The following DCDC1 variants were observed in gnomAD, a reference collection of about 807,000 sequenced individuals.
The protein encoded by DCDC1 is doublecortin domain-containing protein 1.
In DCDC1, 200 loss-of-function variants were observed where a neutral mutation model predicts 178.3. That is an observed-to-expected ratio of 1.12 (90% CI 1.00 to 1.26). DCDC1 has a LOEUF of 1.26. Among genes scored for constraint, DCDC1 ranks in the 50% most tolerant of loss-of-function variants. The probability of loss-of-function intolerance (pLI) is 0.00; values close to 1 mark genes in which losing one functional copy is unlikely to be tolerated. For synonymous variants in DCDC1, 690 were observed against 604.8 expected (o/e 1.14, Z -2.07); for missense variants, 1,983 against 1,749.2 (o/e 1.13, Z -2.38).
chr11:31,322,830 TA>T (rs1267496548), intron 3 of DCDC1, among the ~76,000 whole-genome samples: 1 of 152,248 alleles, frequency 6.6e-6, no homozygotes, highest in African/African-American at 2.4e-5. Context: ...TCCTCATTTT[TA>T]AAGTAACTTT....
chr11:31,024,836 A>G (rs1054897667), intron 20 of DCDC1, among the ~76,000 whole-genome samples: 9 of 151,928 alleles, frequency 5.9e-5, no homozygotes, highest in East Asian at 5.8e-4. Flanking sequence ...GTGTTTCATA[A>G]TATTTCATTG....
chr11:31,236,704 T>A (rs966790426), intron 9 of DCDC1, among the ~76,000 whole-genome samples: 1 of 152,042 alleles, frequency 6.6e-6, no homozygotes, highest in East Asian at 1.9e-4. Context: ...CTAAAAAAAA[T>A]TACTTACCAG....
At chr11:31,212,866 T>G (rs1012147964) in intron 9 of DCDC1, among the ~76,000 whole-genome samples, 1 of 152,202 alleles carries the variant, frequency 6.6e-6, no homozygotes, top group African/African-American at 2.4e-5. Flanking sequence ...GCAATGCTCA[T>G]TGTAATAGAA....
At chr11:31,215,345 G>C (rs961906671) in intron 9 of DCDC1, 3 of 153,560 alleles carry the variant, frequency 2.0e-5, no homozygotes, top group African/African-American at 7.3e-5. Flanking sequence ...AATATAATGA[G>C]AGGTTATGAC....
chr11:30,892,726 T>C (rs1023953504), intron 36 of DCDC1, 92 bp downstream of exon 36: 5 of 1,452,454 alleles, frequency 3.4e-6, no homozygotes, highest in Non-Finnish European at 4.7e-6. Context: ...ATGAGGTTCA[T>C]AGAAGTAATT....
At chr11:30,896,276 T>C (rs1448237652) in intron 34 of DCDC1, among the ~76,000 whole-genome samples, 1 of 152,228 alleles carries the variant, frequency 6.6e-6, no homozygotes, top group Non-Finnish European at 1.5e-5. Flanking sequence ...GGATAGTAAT[T>C]ATAATAGCTA....
At position 31,170,007 on chromosome 11, in the gene DCDC1, G is replaced by A. The variant is rs537754201; in HGVS notation, c.1222-32223C>T. 3.3e-5 allele frequency among the ~76,000 whole-genome samples: 5 copies of A among 152,312 alleles called. No homozygotes were observed. The South Asian group carries it at 1.0e-3, about 32-fold the overall frequency. On this transcript the variant is annotated intron_variant, in intron 9 of 38. Coordinates refer to ENST00000684477, the MANE Select transcript of DCDC1 (RefSeq NM_001387274.1). ...TGTGGCACAGGGTGAGTGAATGGGA[G>A]TGGTGAGAGACTGTTGTGAGGCTGC...
chr11:31,088,099 G>A (rs1044389012), intron 17 of DCDC1, among the ~76,000 whole-genome samples: 4 of 151,786 alleles, frequency 2.6e-5, no homozygotes, highest in Admixed American at 1.3e-4. Context: ...TTTTACTGAC[G>A]TCTACTTTAT....
At chr11:31,312,157 T>C (rs915386962) in intron 3 of DCDC1, among the ~76,000 whole-genome samples, 11 of 152,164 alleles carry the variant, frequency 7.2e-5, no homozygotes, top group African/African-American at 2.2e-4. Flanking sequence ...TGCCCAATTA[T>C]AGGGACTCTC....
intron 20 of DCDC1, among the ~76,000 whole-genome samples, chr11:30,975,049 G>A (rs1950028629): frequency 6.6e-6 from 1 of 152,054 alleles, no homozygotes; most frequent in African/African-American, 2.4e-5. Context: ...TTATTTCAGG[G>A]ATTCAAGGAT....
intron 7 of DCDC1, among the ~76,000 whole-genome samples, chr11:31,267,342 C>T (rs1945235801): frequency 6.6e-6 from 1 of 152,108 alleles, no homozygotes; most frequent in Non-Finnish European, 1.5e-5. Flanking sequence ...AGGCATGCGC[C>T]ACCACGCCCG....
At chr11:30,927,496 T>C (rs1590393433) in intron 22 of DCDC1, among the ~76,000 whole-genome samples, 1 of 152,278 alleles carries the variant, frequency 6.6e-6, no homozygotes, top group East Asian at 1.9e-4. Context: ...AACAGATGAC[T>C]GTTAACAGTT....
intron 3 of DCDC1, among the ~76,000 whole-genome samples, chr11:31,323,844 G>C (rs1949505786): frequency 2.0e-5 from 3 of 152,024 alleles, no homozygotes; most frequent in Admixed American, 6.6e-5. Flanking sequence ...AAAGCACAAA[G>C]TTTTTATTAA....
intron 7 of DCDC1, among the ~76,000 whole-genome samples, chr11:31,289,898 A>G (rs1947101486): frequency 6.6e-6 from 1 of 151,968 alleles, no homozygotes; most frequent in Non-Finnish European, 1.5e-5. Flanking sequence ...GCGTTTGGTT[A>G]TGTTTTACTG....
Position 31,115,271 on chromosome 11 carries a change from T to G in DCDC1, c.1486-4910A>C, listed in dbSNP as rs971529750. On this transcript the variant is annotated intron_variant, in intron 11 of 38. Transcript: ENST00000684477. ...GCCTGTAATCACTTATGACATCTAT[T>G]TAAGGACTTGTGCAAGGCCTAGTTC... Among the ~76,000 whole-genome samples the G allele has an allele frequency of 2.0e-5, 3 of 152,252 alleles. No homozygotes were observed. In the East Asian group the frequency reaches 5.8e-4, roughly 29 times the overall value.
intron 35 of DCDC1, 27 bp downstream of exon 35, chr11:30,894,221 T>C (rs1944017942): frequency 6.3e-7 from 1 of 1,596,650 alleles, no homozygotes; most frequent in Non-Finnish European, 8.5e-7. Context: ...GCAGAGTCTT[T>C]AATGTCCAGA....
rs543360209 is a variant in DCDC1, at chr11:31,044,166, A to G, written c.2591+20303T>C. On this transcript the variant is annotated intron_variant, in intron 20 of 38. Transcript: ENST00000684477. The stretch of plus-strand genomic sequence containing the variant: ...GTTTTCACCAGTTGGCGACAGAAGG[A>G]AAAGTCACAGAGATTTAAAGTACAA... Among the ~76,000 whole-genome samples, 31 of 152,244 alleles carry G rather than the reference A, an allele frequency of 2.0e-4. No individual in the cohort carries two copies. The East Asian group carries it at 5.2e-3, about 26-fold the overall frequency.
chr11:31,346,014 A>G (rs1302218841), intron 1 of DCDC1, among the ~76,000 whole-genome samples: 1 of 152,218 alleles, frequency 6.6e-6, no homozygotes, highest in Non-Finnish European at 1.5e-5. Flanking sequence ...TAGGACAACT[A>G]GAAATTGCTT....
chr11:31,301,327 G>T (rs538123423), intron 6 of DCDC1, among the ~76,000 whole-genome samples: 2 of 152,218 alleles, frequency 1.3e-5, no homozygotes, highest in African/African-American at 4.8e-5. Flanking sequence ...TACCTTAGCT[G>T]ATTGAATTAA....
Sources: gnomAD v4.1 joint callset for allele counts (sites outside exome capture counted in the v4.1 genomes callset) on GRCh38, gnomAD v4.1.1 for gene constraint, MANE v1.5 for transcripts, NCBI Gene and HGNC (gene_info 2026-07-23, HGNC 2026-07-21) for gene names.